Variants in RBFOX1 observed in about 807,000 individuals in gnomAD.
The protein encoded by RBFOX1 is RNA binding protein fox-1 homolog 1.
RBFOX1 carries 8 observed loss-of-function variants against 57.7 expected under a neutral mutation model. That is an observed-to-expected ratio of 0.14 (90% CI 0.08 to 0.25). RBFOX1 has a LOEUF of 0.25. Ranked by LOEUF, RBFOX1 falls within the 10% of genes least tolerant of loss-of-function variation. The pLI is 1.00. For synonymous variants in RBFOX1, 326 were observed against 222.4 expected (o/e 1.47, Z -4.15); for missense variants, 611 against 548.5 (o/e 1.11, Z -1.14).
intron 1 of RBFOX1, among the ~76,000 whole-genome samples, chr16:6,295,345 C>G (rs1016920433): frequency 6.6e-6 from 1 of 152,054 alleles, no homozygotes; most frequent in Non-Finnish European, 1.5e-5. Flanking sequence ...AGGATGGTCT[C>G]GATCCCTTGA....
chr16:6,119,449 C>T (rs2096531986), intron 1 of RBFOX1, among the ~76,000 whole-genome samples: 1 of 152,104 alleles, frequency 6.6e-6, no homozygotes, highest in Non-Finnish European at 1.5e-5. Flanking sequence ...TGCCAAGTTT[C>T]TTCATGGTAA....
Position 5,244,321 on chromosome 16 carries a change from C to T in RBFOX1, c.219+4216C>T, listed in dbSNP as rs1009955202. The stretch of plus-strand genomic sequence containing the variant: ...GCGGTGCAGAGCAGAATATCACCCA[C>T]CTAGACTGCAGAGTGGATTTGGGTG... On this transcript the variant is annotated intron_variant, in intron 1 of 2. Coordinates refer to the RBFOX1 transcript ENST00000585867. Among the ~76,000 whole-genome samples the T allele has an allele frequency of 2.0e-5, 3 of 152,242 alleles. No individual in the cohort carries two copies. In the East Asian group the frequency reaches 5.8e-4, roughly 29 times the overall value.
chr16:7,444,042 T>A (rs1021588376), intron 4 of RBFOX1, among the ~76,000 whole-genome samples: 5 of 152,208 alleles, frequency 3.3e-5, no homozygotes, highest in African/African-American at 1.2e-4. Context: ...TTGCCTCAAG[T>A]TAGAGGTGCT....
chr16:5,944,035 C>A lies in RBFOX1; in HGVS notation c.351+76700C>A, dbSNP rs114943999. On this transcript the variant is annotated intron_variant, in intron 4 of 19. Transcript: ENST00000641259. ...CTCACCCATCCACCATCCATTCATC[C>A]AGTTATCATCAATCCATCCATCCAT... 1.0e-2 allele frequency among the ~76,000 whole-genome samples: 1,504 copies of A among 150,612 alleles called. 31 individuals are homozygous for A. The highest frequency in any genetic ancestry group is 0.036 in the African/African-American group (1,426 of 40,128).
At chr16:5,362,440 G>A (rs761925246) in intron 1 of RBFOX1, among the ~76,000 whole-genome samples, 1 of 152,198 alleles carries the variant, frequency 6.6e-6, no homozygotes, top group Non-Finnish European at 1.5e-5. Context: ...TCAGCTCACC[G>A]CAACCTCTGC....
intron 1 of RBFOX1, among the ~76,000 whole-genome samples, chr16:6,045,586 CG>C (rs2095487065): frequency 6.6e-6 from 1 of 152,154 alleles, no homozygotes; most frequent in African/African-American, 2.4e-5. Flanking sequence ...GGCATCTTTT[CG>C]GTGCTGAGAA....
chr16:6,270,225 A>C (rs572881048), intron 1 of RBFOX1, among the ~76,000 whole-genome samples: 1 of 152,152 alleles, frequency 6.6e-6, no homozygotes, highest in Admixed American at 6.5e-5. Flanking sequence ...AAAATTAAGC[A>C]CTAACATACC....
chr16:6,989,524 G>A (rs546445032), intron 3 of RBFOX1, among the ~76,000 whole-genome samples: 3 of 152,176 alleles, frequency 2.0e-5, no homozygotes, highest in East Asian at 1.9e-4. Flanking sequence ...TTTATTAGTT[G>A]CCTATCAATT....
chr16:5,909,004 A>C (rs114882354), intron 4 of RBFOX1, among the ~76,000 whole-genome samples: 5,036 of 152,102 alleles, frequency 0.033, 284 homozygotes, highest in African/African-American at 0.12. Context: ...TCCATCCTCC[A>C]GAACTGTGAG....
At chr16:6,392,315 A>G (rs4786866) in intron 2 of RBFOX1, among the ~76,000 whole-genome samples, 6 of 152,044 alleles carry the variant, frequency 3.9e-5, no homozygotes, top group African/African-American at 1.4e-4. Flanking sequence ...CTGTAGTAAG[A>G]ATATTTACAC....
intron 4 of RBFOX1, among the ~76,000 whole-genome samples, chr16:7,054,217 G>A (rs574278086): frequency 1.9e-5 from 2 of 104,622 alleles, no homozygotes; most frequent in Non-Finnish European, 3.8e-5. Flanking sequence ...TTTTTTCGGG[G>A]GGGGGGGGCG....
intron 3 of RBFOX1, among the ~76,000 whole-genome samples, chr16:6,992,955 C>G (rs2153614579): frequency 6.6e-6 from 1 of 152,184 alleles, no homozygotes; most frequent in Non-Finnish European, 1.5e-5. Flanking sequence ...ACTCCTTCTT[C>G]CCAATTACTT....
intron 1 of RBFOX1, among the ~76,000 whole-genome samples, chr16:6,315,853 C>T (rs557188409): frequency 6.6e-6 from 1 of 152,070 alleles, no homozygotes; most frequent in Non-Finnish European, 1.5e-5. Flanking sequence ...AGAGGGGACT[C>T]ACCAGATGTG....
At chr16:5,904,198 C>T (rs1567693640) in intron 4 of RBFOX1, among the ~76,000 whole-genome samples, 1 of 152,074 alleles carries the variant, frequency 6.6e-6, no homozygotes, top group Non-Finnish European at 1.5e-5. Context: ...TTAGATCCTG[C>T]CCGCTCATCT....
chr16:6,680,401 T>G (rs2058471337), intron 3 of RBFOX1, among the ~76,000 whole-genome samples: 1 of 150,796 alleles, frequency 6.6e-6, no homozygotes, highest in African/African-American at 2.4e-5. Flanking sequence ...TAGCTGGGAC[T>G]ACAGGCACCT....
intron 2 of RBFOX1, among the ~76,000 whole-genome samples, chr16:6,384,011 C>A (rs761827028): frequency 3.3e-5 from 5 of 151,020 alleles, no homozygotes; most frequent in Non-Finnish European, 7.4e-5. Context: ...CTCTTTCTAC[C>A]CTGAAATGTT....
chr16:7,660,807 G>A (rs2067528645), intron 12 of RBFOX1, among the ~76,000 whole-genome samples: 1 of 152,158 alleles, frequency 6.6e-6, no homozygotes, highest in Admixed American at 6.5e-5. Context: ...TGTTTCAAAA[G>A]TCCTCCAGGT....
chr16:6,823,454 G>T (rs1161551396), intron 3 of RBFOX1, among the ~76,000 whole-genome samples: 1 of 151,890 alleles, frequency 6.6e-6, no homozygotes, highest in East Asian at 1.9e-4. Flanking sequence ...ATGGGGTTTT[G>T]CCATGTTGGC....
chr16:6,570,711 C>T (rs750913625), intron 2 of RBFOX1, among the ~76,000 whole-genome samples: 4 of 152,264 alleles, frequency 2.6e-5, no homozygotes, highest in South Asian at 4.1e-4. Context: ...CAACTTCCTA[C>T]TCAGGAAAAG....
Sources: gnomAD v4.1 joint callset for allele counts (sites outside exome capture counted in the v4.1 genomes callset) on GRCh38, gnomAD v4.1.1 for gene constraint, MANE v1.5 for transcripts, NCBI Gene and HGNC (gene_info 2026-07-23, HGNC 2026-07-21) for gene names.